The following AUTS2 variants were observed in gnomAD, a reference collection of about 807,000 sequenced individuals.
AUTS2 encodes the protein activator of transcription and developmental regulator AUTS2, also known as autism susceptibility gene 2 protein.
AUTS2 carries 17 observed loss-of-function variants against 112.4 expected under a neutral mutation model. That is an observed-to-expected ratio of 0.15 (90% CI 0.10 to 0.23). The LOEUF (loss-of-function observed/expected upper bound fraction) is 0.23, where lower values mean the gene tolerates loss of function less well. Ranked by LOEUF, AUTS2 falls within the 10% of genes least tolerant of loss-of-function variation. The pLI, the probability that AUTS2 is intolerant of heterozygous loss-of-function variation, is 1.00. For synonymous variants in AUTS2, 751 were observed against 702.7 expected (o/e 1.07, Z -1.09); for missense variants, 1,510 against 1,701.6 (o/e 0.89, Z 1.98).
Position 70,225,269 on chromosome 7 carries a change from C to T in AUTS2, c.660+90698C>T, listed in dbSNP as rs536654174. Among the ~76,000 whole-genome samples the T allele has an allele frequency of 7.9e-5, 12 of 152,246 alleles. No homozygotes were observed. The South Asian group carries it at 2.5e-3, about 32-fold the overall frequency. On this transcript the variant is annotated intron_variant, in intron 4 of 18. Coordinates refer to ENST00000342771, the MANE Select transcript of AUTS2 (RefSeq NM_015570.4). Reference sequence around the variant, plus strand: ...TCCCTTAGATTTTTCTGTATCTTGTCTCCCTTCCTCATTTTCTGCAGAACA... The same window carrying T: ...TCCCTTAGATTTTTCTGTATCTTGTTTCCCTTCCTCATTTTCTGCAGAACA...
chr7:70,396,378 ATT>A (rs112778320), intron 4 of AUTS2, among the ~76,000 whole-genome samples: 1 of 143,732 alleles, frequency 7.0e-6, no homozygotes. Context: ...TTATTTTGAG[ATT>A]TTTTTTTTTT....
chr7:70,696,802 TC>T, intron 5 of AUTS2, among the ~76,000 whole-genome samples: 1 of 152,308 alleles, frequency 6.6e-6, no homozygotes, highest in Non-Finnish European at 1.5e-5. Context: ...CCAATTAGAG[TC>T]ACTTTAATAG....
chr7:70,487,995 C>G (rs547170499), intron 5 of AUTS2, among the ~76,000 whole-genome samples: 1 of 152,182 alleles, frequency 6.6e-6, no homozygotes, highest in Non-Finnish European at 1.5e-5. Context: ...CATCCTCAGA[C>G]CTGGTGGTCT....
intron 4 of AUTS2, among the ~76,000 whole-genome samples, chr7:70,281,710 T>A (rs2129610583): frequency 6.6e-6 from 1 of 152,208 alleles, no homozygotes; most frequent in East Asian, 1.9e-4. Context: ...TTTAGTGCTT[T>A]GAAGATTCGG....
intron 2 of AUTS2, among the ~76,000 whole-genome samples, chr7:70,030,416 G>C (rs1800721655): frequency 6.6e-6 from 1 of 152,164 alleles, no homozygotes; most frequent in Non-Finnish European, 1.5e-5. Flanking sequence ...TAGACCCGTG[G>C]TAATGATGTA....
intron 1 of AUTS2, among the ~76,000 whole-genome samples, chr7:69,686,844 A>G (rs1351865303): frequency 1.3e-5 from 2 of 152,226 alleles, no homozygotes; most frequent in Non-Finnish European, 2.9e-5. Context: ...TAGGTGGGAC[A>G]GAAGCTCCTT....
rs1789933086 is a variant in AUTS2, at chr7:70,766,226, C to T, written c.1581C>T (p.His527=). ...PPYLRTEFHQ[H]QHQHQHTHQH... ...ACCTGCGGACCGAGTTCCATCAGCA[C>T]CAGCACCAGCACCAGCACACCCACC... Residue 527 remains histidine, a synonymous_variant, in exon 9 of 19, where the codon CAC becomes CAT. Coordinates refer to ENST00000342771, the MANE Select transcript of AUTS2 (RefSeq NM_015570.4). This position sits in a 1 kb window ranked among gnomAD's most constrained non-coding sequence, Gnocchi z 4.8. The T allele has an allele frequency of 1.2e-6, 2 of 1,613,760 alleles. No individual in the cohort carries two copies. The highest frequency in any genetic ancestry group is 1.7e-6 in the Non-Finnish European group (2 of 1,179,886).
intron 2 of AUTS2, among the ~76,000 whole-genome samples, chr7:70,004,948 C>T (rs1385079843): frequency 6.6e-6 from 1 of 151,824 alleles, no homozygotes; most frequent in South Asian, 2.1e-4. Flanking sequence ...CCTCAGCCTC[C>T]CAAGTAGCTG....
intron 2 of AUTS2, among the ~76,000 whole-genome samples, chr7:70,021,370 G>T (rs931272945): frequency 1.3e-5 from 2 of 152,164 alleles, no homozygotes; most frequent in African/African-American, 2.4e-5. Context: ...TAGTCTGCCG[G>T]TAATCCTGTT....
intron 2 of AUTS2, among the ~76,000 whole-genome samples, chr7:70,108,839 C>T (rs1804918275): frequency 6.8e-6 from 1 of 147,016 alleles, no homozygotes; most frequent in South Asian, 2.2e-4. Context: ...ACTCAGGAGG[C>T]TGAGGCATGA....
chr7:70,088,362 C>CGTGA (rs1469404554), intron 2 of AUTS2, among the ~76,000 whole-genome samples: 1 of 151,872 alleles, frequency 6.6e-6, no homozygotes, highest in Non-Finnish European at 1.5e-5. Flanking sequence ...TTCCTGACCT[C>CGTGA]GTGATCTTCC....
At chr7:70,628,856 C>T (rs910548256) in intron 5 of AUTS2, among the ~76,000 whole-genome samples, 2 of 152,014 alleles carry the variant, frequency 1.3e-5, no homozygotes, top group South Asian at 2.1e-4. Context: ...ATTTCTGAAC[C>T]GGGCAGCTGG....
chr7:70,198,340 A>G (rs1200406578), intron 4 of AUTS2, among the ~76,000 whole-genome samples: 4 of 151,650 alleles, frequency 2.6e-5, no homozygotes, highest in East Asian at 1.9e-4. Flanking sequence ...AGCTGGATGG[A>G]GAATGATTTT....
chr7:69,781,883 C>T (rs1249518061), intron 1 of AUTS2, among the ~76,000 whole-genome samples: 1 of 152,142 alleles, frequency 6.6e-6, no homozygotes, highest in Non-Finnish European at 1.5e-5. Flanking sequence ...CTCAGGTCAC[C>T]AGGCCCTAGA....
chr7:70,122,480 G>A (rs921921404), intron 3 of AUTS2, among the ~76,000 whole-genome samples: 1 of 151,970 alleles, frequency 6.6e-6, no homozygotes, highest in Admixed American at 6.6e-5. Flanking sequence ...GTTTCTATTG[G>A]TTGTTTTTTC....
chr7:70,357,986 G>A (rs2866278), intron 4 of AUTS2, among the ~76,000 whole-genome samples: 51,364 of 151,730 alleles, frequency 0.34, 9,906 homozygotes, highest in African/African-American at 0.54. Context: ...GGAGGTTGGC[G>A]AGACCTAGAA....
At chr7:70,553,132 G>A (rs904058995) in intron 5 of AUTS2, among the ~76,000 whole-genome samples, 28 of 152,190 alleles carry the variant, frequency 1.8e-4, no homozygotes, top group Non-Finnish European at 2.9e-5. Context: ...TAGAAGAATG[G>A]ACTTGTCAGC....
At chr7:69,990,533 G>A (rs143876853) in intron 2 of AUTS2, among the ~76,000 whole-genome samples, 3 of 152,314 alleles carry the variant, frequency 2.0e-5, no homozygotes, top group African/African-American at 7.2e-5. Flanking sequence ...GTTTGTGTGT[G>A]TGTATGTCAG....
intron 4 of AUTS2, among the ~76,000 whole-genome samples, chr7:70,351,279 C>T (rs899005134): frequency 1.3e-5 from 2 of 152,090 alleles, no homozygotes; most frequent in African/African-American, 4.8e-5. Context: ...GTCTCGAACT[C>T]CTGACCTCTG....
Sources: gnomAD v4.1 joint callset for allele counts (sites outside exome capture counted in the v4.1 genomes callset) on GRCh38, gnomAD v4.1.1 for gene constraint, Gnocchi (gnomAD v3.1) non-coding constraint, MANE v1.5 for transcripts, NCBI Gene and HGNC (gene_info 2026-07-23, HGNC 2026-07-21) for gene names.